TF: variants seen among roughly 807,000 people sequenced by gnomAD.
TF encodes the protein transferrin, also known as serotransferrin.
Under a neutral mutation model 82.4 loss-of-function variants are expected in TF, and 55 were observed. That is an observed-to-expected ratio of 0.67 (90% confidence interval 0.54 to 0.84). The LOEUF is 0.84. Among genes scored for constraint, TF ranks in the 40% least tolerant of loss-of-function variants. The pLI, the probability that TF is intolerant of heterozygous loss-of-function variation, is 0.00. For synonymous variants in TF, 332 were observed against 332.6 expected (o/e 1.00, Z 0.02); for missense variants, 737 against 868.4 (o/e 0.85, Z 1.90).
chr3:133,759,566 G>A (rs747697946), intron 9 of TF, among the ~76,000 whole-genome samples: 2 of 152,218 alleles, frequency 1.3e-5, no homozygotes, highest in African/African-American at 2.4e-5. Context: ...AGGGCAGGCT[G>A]AGCAGTGCCT....
intron 16 of TF, 21 bp downstream of exon 16, chr3:133,777,259 G>C: frequency 6.2e-7 from 1 of 1,607,802 alleles, no homozygotes; most frequent in South Asian, 1.1e-5. Flanking sequence ...GGAACAGCAT[G>C]GGGAAGTGGC....
chr3:133,730,345 A>G, the TF span, among the ~76,000 whole-genome samples: 89,070 of 151,890 alleles, frequency 0.59, 26,642 homozygotes, highest in East Asian at 0.76. Flanking sequence ...AGGAAGCCAT[A>G]GGCATGCCTA....
rs549204279 is a variant in TF, at chr3:133,792,783, T to G, written c.*14163T>G. On this transcript the variant is annotated 3_prime_UTR_variant, in exon 17 of 17. Coordinates refer to ENST00000402696, the MANE Select transcript of TF (RefSeq NM_001063.4). ...GTTAGGATAAAGCTAAAAGTTTGAA[T>G]GAGTTGTGGAAGATTTATAAAAATT... The G allele has an allele frequency of 6.6e-6, 1 of 152,298 alleles. No individual in the cohort carries two copies. Among genetic ancestry groups the G allele is most frequent in the East Asian group, 1.9e-4 (1 of 5,180 alleles). The allele number at this position is 152,298 out of a possible 1,614,324, so 9.4% of individuals were successfully genotyped here. A position where few individuals can be genotyped will look rare whatever the true frequency, so the allele number is the denominator to read the frequency against.
the TF span, among the ~76,000 whole-genome samples, chr3:133,704,059 G>A: frequency 6.6e-6 from 1 of 152,206 alleles, no homozygotes; most frequent in Non-Finnish European, 1.5e-5. Flanking sequence ...CAGGCCAAGA[G>A]CATGTCCAGT....
chr3:133,689,914 A>T, the TF span, among the ~76,000 whole-genome samples: 15 of 152,146 alleles, frequency 9.9e-5, no homozygotes, highest in African/African-American at 3.4e-4. Context: ...TTATGGGGTA[A>T]ATGTAGTGTT....
the TF span, among the ~76,000 whole-genome samples, chr3:133,676,982 C>G: frequency 6.6e-6 from 1 of 152,190 alleles, no homozygotes; most frequent in Non-Finnish European, 1.5e-5. Flanking sequence ...GTGTTCTAGT[C>G]AAACAAGAAC....
chr3:133,757,203 C>CT lies in TF; in HGVS notation c.870+195dup, dbSNP rs1326038033. ...AGGGAGCCTGCTGTGGTGCTACCGTCTGCCGCCCTTGCCTTTCTGGCTGGT... is the reference window on the plus strand; with the variant it reads ...AGGGAGCCTGCTGTGGTGCTACCGTCTTGCCGCCCTTGCCTTTCTGGCTGGT... On this transcript the variant is annotated intron_variant, in intron 7 of 16. Transcript: ENST00000402696. 2.6e-5 allele frequency among the ~76,000 whole-genome samples: 4 copies of CT among 152,228 alleles called. No homozygotes were observed. The East Asian group carries it at 7.7e-4, about 29-fold the overall frequency.
the TF span, among the ~76,000 whole-genome samples, chr3:133,718,408 C>T: frequency 6.6e-6 from 1 of 152,070 alleles, no homozygotes; most frequent in African/African-American, 2.4e-5. Context: ...ACTGGAGATG[C>T]AGGCTGGCAG....
intron 3 of TF, chr3:133,754,133 C>T (rs948007454): frequency 4.8e-6 from 2 of 416,380 alleles, no homozygotes; most frequent in African/African-American, 2.0e-5. Flanking sequence ...TGGGCCTGTG[C>T]CAGGGGACAT....
At chr3:133,664,777 T>C in the TF span, 25 of 152,198 alleles carry the variant, frequency 1.6e-4, 1 homozygote, top group Admixed American at 6.5e-5. Context: ...GTATTTTTTT[T>C]CTGAATATTT....
chr3:133,680,665 T>A, the TF span, among the ~76,000 whole-genome samples: 13 of 152,292 alleles, frequency 8.5e-5, no homozygotes, highest in African/African-American at 2.9e-4. Context: ...TCTTACCCTG[T>A]CTTGCTACTA....
chr3:133,688,862 T>A, the TF span, among the ~76,000 whole-genome samples: 2 of 152,220 alleles, frequency 1.3e-5, no homozygotes, highest in Non-Finnish European at 1.5e-5. Context: ...TATTTATTAA[T>A]GAATACATTA....
the TF span, among the ~76,000 whole-genome samples, chr3:133,701,359 A>T: frequency 1.3e-5 from 2 of 152,180 alleles, no homozygotes; most frequent in Admixed American, 6.5e-5. Flanking sequence ...TCTTAAACTG[A>T]AGTGGGAATG....
At chr3:133,774,973 G>A (rs1194643548) in intron 14 of TF, 1 of 356,832 alleles carries the variant, frequency 2.8e-6, no homozygotes, top group Non-Finnish European at 5.5e-6. Flanking sequence ...ACTGGAACAA[G>A]GGAGTCAGAT....
chr3:133,744,870 G>C (rs1225543583), upstream of TF, among the ~76,000 whole-genome samples: 1 of 152,154 alleles, frequency 6.6e-6, no homozygotes, highest in South Asian at 2.1e-4. Context: ...CATTCATATT[G>C]AATGTGTGAA....
intron 2 of TF, among the ~76,000 whole-genome samples, chr3:133,751,300 T>G (rs1018661833): frequency 6.8e-6 from 1 of 146,256 alleles, no homozygotes; most frequent in South Asian, 2.2e-4. Flanking sequence ...TGGCGCGATC[T>G]CGACTCACTG....
chr3:133,715,221 C>A, the TF span, among the ~76,000 whole-genome samples: 189 of 152,308 alleles, frequency 1.2e-3, 1 homozygote, highest in African/African-American at 4.5e-3. Context: ...TCCATACTTT[C>A]TCCTCTCCTT....
chr3:133,757,826 A>C lies in TF; in HGVS notation c.928A>C (p.Lys310Gln), dbSNP rs764627829. 1.2e-6 allele frequency: 2 copies of C among 1,614,194 alleles called. No individual in the cohort carries two copies. Among genetic ancestry groups the C allele is most frequent in the East Asian group, 4.5e-5 (2 of 44,890 alleles). ...EFQLFSSPHGKDLLFKDSAHG... is the reference protein window; with the variant it reads ...EFQLFSSPHGQDLLFKDSAHG... ...CCAACTATTCAGCTCTCCTCATGGG[A>C]AGGACCTGCTGTTTAAGGACTCTGC... The change falls in exon 8 of 17, where the codon AAG (lysine) becomes CAG (glutamine). Residue 310 changes from lysine (K) to glutamine (Q), a missense_variant. Physicochemically the swap from Lys to Gln is moderately conservative, Grantham distance 53. Transcript: ENST00000402696.
rs1012809328 is a variant in TF, at chr3:133,781,135, T to C, written c.*2515T>C. 6.6e-6 allele frequency: 1 copy of C among 152,028 alleles called. No individual in the cohort carries two copies. Among genetic ancestry groups the C allele is most frequent in the Admixed American group, 6.6e-5 (1 of 15,262 alleles). 9.4% of individuals were successfully genotyped at this position (152,028 alleles called of 1,614,324 possible). ...GGAGTTCGAGACCAGCTTGACAACA[T>C]GGAGAAACTCCATCTCTACTTAAAA... is the stretch of plus-strand genomic sequence containing the variant. On this transcript the variant is annotated 3_prime_UTR_variant, in exon 17 of 17. Coordinates refer to ENST00000402696, the MANE Select transcript of TF (RefSeq NM_001063.4).
Sources: gnomAD v4.1 joint callset for allele counts (sites outside exome capture counted in the v4.1 genomes callset) on GRCh38, gnomAD v4.1.1 for gene constraint, MANE v1.5 for transcripts, NCBI Gene and HGNC (gene_info 2026-07-23, HGNC 2026-07-21) for gene names.